Variants in TCF4 observed in about 807,000 individuals in gnomAD.
TCF4 encodes SL3-3 enhancer factor 2.
A neutral mutation model predicts 82.1 loss-of-function variants in TCF4; 3 were observed. The ratio of observed to expected loss-of-function variants is 0.04; its 90% CI spans 0.02 to 0.09. The LOEUF is 0.09. TCF4 is among the 10% of genes least tolerant of loss of function. TCF4 has a pLI of 1.00. For synonymous variants in TCF4, 276 were observed against 309.6 expected (o/e 0.89, Z 1.14); for missense variants, 518 against 852.7 (o/e 0.61, Z 4.89).
intron 8 of TCF4, among the ~76,000 whole-genome samples, chr18:55,288,575 A>C (rs1156530288): frequency 1.3e-5 from 2 of 152,202 alleles, no homozygotes; most frequent in East Asian, 3.9e-4. Flanking sequence ...CTCCTACCAA[A>C]ACCCAGCTTT....
At chr18:55,392,071 C>T (rs543203037) in intron 6 of TCF4, among the ~76,000 whole-genome samples, 1 of 124,964 alleles carries the variant, frequency 8.0e-6, no homozygotes, top group Non-Finnish European at 1.6e-5. Flanking sequence ...TCAAGCAATT[C>T]TTGTGCCTCA....
At chr18:55,426,546 C>T (rs1432856861) in intron 5 of TCF4, among the ~76,000 whole-genome samples, 2 of 152,152 alleles carry the variant, frequency 1.3e-5, no homozygotes, top group East Asian at 3.8e-4. Context: ...TCCTTTGCTG[C>T]CCATAGGCAT....
At chr18:55,567,860 A>G (rs546525676) in intron 3 of TCF4, among the ~76,000 whole-genome samples, 1 of 152,208 alleles carries the variant, frequency 6.6e-6, no homozygotes, top group East Asian at 1.9e-4. Context: ...CTCAACAAAT[A>G]TCAAAGAACT....
intron 6 of TCF4, among the ~76,000 whole-genome samples, chr18:55,402,468 A>G (rs2093878940): frequency 6.6e-6 from 1 of 152,080 alleles, no homozygotes. Context: ...AGAGTTCAAG[A>G]GAGTAAGCAT....
At chr18:55,300,168 G>A (rs1023471081) in intron 8 of TCF4, among the ~76,000 whole-genome samples, 4 of 151,434 alleles carry the variant, frequency 2.6e-5, no homozygotes, top group African/African-American at 9.7e-5. Context: ...GCATCATTTC[G>A]ATGTTTAACA....
chr18:55,566,103 C>T (rs1243621839), intron 3 of TCF4, among the ~76,000 whole-genome samples: 2 of 151,154 alleles, frequency 1.3e-5, no homozygotes, highest in Non-Finnish European at 2.9e-5. Context: ...GTCCCAGCTA[C>T]TCGGGAGGCT....
intron 3 of TCF4, among the ~76,000 whole-genome samples, chr18:55,583,056 G>A (rs1278805258): frequency 1.3e-5 from 2 of 152,022 alleles, no homozygotes; most frequent in African/African-American, 4.8e-5. Context: ...TCTTGATAGA[G>A]GAAAACTGAA....
At position 55,461,135 on chromosome 18, in the gene TCF4, G is replaced by C; in HGVS notation, c.208-20C>G. The stretch of plus-strand genomic sequence containing the variant: ...ATAGTTCTGTAAATAAAATGACAGT[G>C]TAAGTTATTATTTTATATTAATAAA... On this transcript the variant is annotated intron_variant, in intron 4 of 19. Coordinates refer to ENST00000354452, the MANE Select transcript of TCF4 (RefSeq NM_001083962.2). 6.3e-7 allele frequency: 1 copy of C among 1,582,804 alleles called. No individual in the cohort carries two copies. Among genetic ancestry groups the C allele is most frequent in the Non-Finnish European group, 8.7e-7 (1 of 1,154,518 alleles).
chr18:55,586,042 T>A, intron 2 of TCF4: 1 of 1,385,616 alleles, frequency 7.2e-7, no homozygotes, highest in African/African-American at 1.4e-5. Flanking sequence ...GAAAGGGGGC[T>A]GCAAAGCTGC....
intron 2 of TCF4, among the ~76,000 whole-genome samples, chr18:55,595,949 C>G (rs564158391): frequency 3.3e-5 from 5 of 152,272 alleles, no homozygotes; most frequent in Non-Finnish European, 7.4e-5. Context: ...TCAGCATATG[C>G]AGGCCAGGTA....
In TCF4 at chr18:55,250,657, G is replaced by A. The variant is rs527903025; in HGVS notation, c.1350+3840C>T. 3.3e-5 allele frequency among the ~76,000 whole-genome samples: 5 copies of A among 152,284 alleles called. No homozygotes were observed. In the South Asian group the frequency reaches 1.0e-3, roughly 32 times the overall value. ...AAGACTGCCTAAGACAACACATGCA[G>A]AGCGCCTAGCAGAGGGGCTGCCAAC... On this transcript the variant is annotated intron_variant, in intron 15 of 19. Transcript: ENST00000354452.
At chr18:55,387,725 C>T (rs2092715850) in intron 6 of TCF4, among the ~76,000 whole-genome samples, 1 of 152,178 alleles carries the variant, frequency 6.6e-6, no homozygotes, top group African/African-American at 2.4e-5. Flanking sequence ...TATTTACAAG[C>T]AAACGACACC....
intron 3 of TCF4, among the ~76,000 whole-genome samples, chr18:55,577,779 G>A (rs968283495): frequency 6.6e-6 from 1 of 152,068 alleles, no homozygotes; most frequent in Non-Finnish European, 1.5e-5. Flanking sequence ...CATTCTAAGG[G>A]GTATCCTGTA....
chr18:55,293,701 T>C (rs1437267005), intron 8 of TCF4, among the ~76,000 whole-genome samples: 1 of 152,162 alleles, frequency 6.6e-6, no homozygotes, highest in Non-Finnish European at 1.5e-5. Context: ...TTGTAGAGCA[T>C]GTCCAGTGCC....
At chr18:55,396,206 A>G (rs1356080100) in intron 6 of TCF4, among the ~76,000 whole-genome samples, 1 of 152,206 alleles carries the variant, frequency 6.6e-6, no homozygotes, top group Non-Finnish European at 1.5e-5. Context: ...GCTTTGAAAC[A>G]AAACATCTTA....
intron 3 of TCF4, among the ~76,000 whole-genome samples, chr18:55,484,069 T>G (rs958031090): frequency 1.3e-5 from 2 of 152,218 alleles, no homozygotes; most frequent in African/African-American, 4.8e-5. Context: ...GAACCTATAA[T>G]TTCTCCTTTC....
chr18:55,293,931 CTTTT>C (rs781150808), intron 8 of TCF4, among the ~76,000 whole-genome samples: 4 of 40,032 alleles, frequency 1.0e-4, no homozygotes, highest in Admixed American at 5.0e-4. Context: ...TTTCCAAGGA[CTTTT>C]TTTTTTTTTT....
intron 3 of TCF4, among the ~76,000 whole-genome samples, chr18:55,469,406 G>A (rs149095785): frequency 6.6e-5 from 10 of 152,028 alleles, no homozygotes; most frequent in South Asian, 4.2e-4. Context: ...GGAGGTTGCC[G>A]CGAGCCAAGA....
chr18:55,562,883 A>G (rs902312128), intron 3 of TCF4, among the ~76,000 whole-genome samples: 2 of 152,190 alleles, frequency 1.3e-5, no homozygotes, highest in East Asian at 3.8e-4. Flanking sequence ...AGGCAGATAC[A>G]TAGATACATA....
Sources: gnomAD v4.1 joint callset for allele counts (sites outside exome capture counted in the v4.1 genomes callset) on GRCh38, gnomAD v4.1.1 for gene constraint, MANE v1.5 for transcripts, NCBI Gene and HGNC (gene_info 2026-07-23, HGNC 2026-07-21) for gene names.